The following SLAIN2 variants were observed in gnomAD, a reference collection of about 807,000 sequenced individuals.
SLAIN2 encodes SLAIN family member 2.
A neutral mutation model predicts 56.6 loss-of-function variants in SLAIN2; 31 were observed. The observed-to-expected ratio is 0.55, with a 90% CI of 0.41 to 0.74. The LOEUF (loss-of-function observed/expected upper bound fraction) is 0.74, where lower values mean the gene tolerates loss of function less well. Ranked by LOEUF, SLAIN2 falls within the 30% of genes least tolerant of loss-of-function variation. SLAIN2 has a pLI of 0.00. For synonymous variants in SLAIN2, 317 were observed against 284.9 expected (o/e 1.11, Z -1.13); for missense variants, 777 against 754.2 (o/e 1.03, Z -0.35).
intron 1 of SLAIN2, among the ~76,000 whole-genome samples, chr4:48,349,251 T>G (rs1374317640): frequency 6.6e-6 from 1 of 152,232 alleles, no homozygotes; most frequent in Non-Finnish European, 1.5e-5. Flanking sequence ...AGAAGGATAG[T>G]AGCATATTCA....
chr4:48,356,577 CTT>C (rs1194077167), intron 1 of SLAIN2, among the ~76,000 whole-genome samples: 1 of 152,194 alleles, frequency 6.6e-6, no homozygotes, highest in African/African-American at 2.4e-5. Context: ...GACTCCCTGT[CTT>C]CCTGATGTCT....
chr4:48,383,888 G>C, intron 6 of SLAIN2, 104 bp downstream of exon 6: 1 of 1,257,550 alleles, frequency 8.0e-7, no homozygotes, highest in Non-Finnish European at 1.1e-6. Flanking sequence ...CTGAAAAACC[G>C]TTTTAAACCA....
intron 2 of SLAIN2, among the ~76,000 whole-genome samples, chr4:48,374,429 G>A (rs192713941): frequency 1.5e-3 from 226 of 152,016 alleles, no homozygotes; most frequent in African/African-American, 4.8e-3. Context: ...TACTAGAGAC[G>A]AGGTTTCACG....
chr4:48,392,047 A>G (rs1192077451), intron 6 of SLAIN2, among the ~76,000 whole-genome samples: 2 of 152,116 alleles, frequency 1.3e-5, no homozygotes, highest in Non-Finnish European at 2.9e-5. Context: ...ACTGAACTCT[A>G]TTATTAGAAA....
At position 48,410,775 on chromosome 4, in the gene SLAIN2, G is replaced by A. The variant is rs143415717; in HGVS notation, c.1361-9350G>A. On this transcript the variant is annotated intron_variant, in intron 6 of 7. Transcript: ENST00000264313. ...CCTGCTTATCTGTGGACCCCTGCAT[G>A]CTGTGGATCAGTATCTCAACATCAG... Among the ~76,000 whole-genome samples the A allele has an allele frequency of 1.4e-4, 22 of 152,344 alleles. No homozygotes were observed. The East Asian group carries it at 2.1e-3, about 15-fold the overall frequency.
chr4:48,358,775 C>G (rs570831481), intron 1 of SLAIN2, among the ~76,000 whole-genome samples: 1 of 151,674 alleles, frequency 6.6e-6, no homozygotes, highest in South Asian at 2.1e-4. Context: ...GGCTGGAGTG[C>G]AATGGTGTGA....
intron 6 of SLAIN2, 100 bp downstream of exon 6, chr4:48,383,884 A>C: frequency 7.9e-7 from 1 of 1,258,052 alleles, no homozygotes; most frequent in Non-Finnish European, 1.1e-6. Context: ...TATGCTGAAA[A>C]ACCGTTTTAA....
intron 6 of SLAIN2, among the ~76,000 whole-genome samples, chr4:48,401,770 A>AT (rs1716563078): frequency 6.6e-6 from 1 of 152,156 alleles, no homozygotes; most frequent in African/African-American, 2.4e-5. Flanking sequence ...GCCCATTTAC[A>AT]TTTAAAGTTA....
At position 48,341,679 on chromosome 4, in the gene SLAIN2, T is replaced by G; in HGVS notation, c.-61T>G. ...GGCGGCGACGCCTCTTTCCTCCGTC[T>G]CTTTCCCTGTCGCTGCGAGAGCGAG... On this transcript the variant is annotated 5_prime_UTR_variant, in exon 1 of 8. Coordinates refer to ENST00000264313, the MANE Select transcript of SLAIN2 (RefSeq NM_020846.2). 1 of 1,506,562 alleles carries G rather than the reference T, an allele frequency of 6.6e-7. No individual in the cohort carries two copies. Among genetic ancestry groups the G allele is most frequent in the Non-Finnish European group, 8.9e-7 (1 of 1,126,992 alleles). 93.3% of individuals were successfully genotyped at this position (1,506,562 alleles called of 1,614,324 possible). A position where few individuals can be genotyped will look rare whatever the true frequency, so the allele number is the denominator to read the frequency against.
rs374599788 is a variant in SLAIN2, at chr4:48,365,638, G to A, written c.390-4211G>A. 2.6e-5 allele frequency among the ~76,000 whole-genome samples: 4 copies of A among 151,236 alleles called. No homozygotes were observed. The South Asian group carries it at 8.5e-4, about 32-fold the overall frequency. Reference sequence around the variant, plus strand: ...TGCAGTGGCGGGATCTTGGCTCACTGCAACCTCCACCTCCCGGGTTCAAAC... The same window carrying A: ...TGCAGTGGCGGGATCTTGGCTCACTACAACCTCCACCTCCCGGGTTCAAAC... On this transcript the variant is annotated intron_variant, in intron 1 of 7. Transcript: ENST00000264313.
At chr4:48,419,395 C>T (rs965033611) in intron 6 of SLAIN2, among the ~76,000 whole-genome samples, 5 of 152,102 alleles carry the variant, frequency 3.3e-5, no homozygotes, top group South Asian at 2.1e-4. Flanking sequence ...TGAGTTACCA[C>T]GCCTGATCTT....
chr4:48,418,972 CG>C (rs1717073297), intron 6 of SLAIN2, among the ~76,000 whole-genome samples: 1 of 152,058 alleles, frequency 6.6e-6, no homozygotes, highest in Non-Finnish European at 1.5e-5. Flanking sequence ...TACTGCTGAG[CG>C]GTATTCTGTT....
chr4:48,370,007 T>C lies in SLAIN2; in HGVS notation c.538+10T>C, dbSNP rs768001996. On this transcript the variant is annotated intron_variant, in intron 2 of 7. Transcript: ENST00000264313. ...GATCAAACTATGTCAGGTATGTCTATAATTTTGCTTGTAAATTCATCTCTT... is the reference window on the plus strand; with the variant it reads ...GATCAAACTATGTCAGGTATGTCTACAATTTTGCTTGTAAATTCATCTCTT... The C allele has an allele frequency of 6.2e-7, 1 of 1,609,908 alleles. No homozygotes were observed. Among genetic ancestry groups the C allele is most frequent in the Non-Finnish European group, 8.5e-7 (1 of 1,177,870 alleles).
chr4:48,387,692 A>G (rs6447632), intron 6 of SLAIN2, among the ~76,000 whole-genome samples: 45,133 of 151,872 alleles, frequency 0.3, 6,904 homozygotes, highest in South Asian at 0.48. Context: ...CAAGTTTAAA[A>G]CTTAGTAAAG....
rs1312216703 is a variant in SLAIN2, at chr4:48,393,974, G to A, written c.1360+10190G>A. On this transcript the variant is annotated intron_variant, in intron 6 of 7. Transcript: ENST00000264313. ...AACCCACACCAGCATTACATAGCATGCTCCCCACTTGCATACGTATGTGCA... is the reference window on the plus strand; with the variant it reads ...AACCCACACCAGCATTACATAGCATACTCCCCACTTGCATACGTATGTGCA... Among the ~76,000 whole-genome samples, 8 of 152,266 alleles carry A rather than the reference G, an allele frequency of 5.3e-5. 1 individual carries two copies. The South Asian group carries it at 1.2e-3, about 24-fold the overall frequency.
chr4:48,368,575 A>G (rs1715586658), intron 1 of SLAIN2, among the ~76,000 whole-genome samples: 1 of 152,166 alleles, frequency 6.6e-6, no homozygotes, highest in Admixed American at 6.6e-5. Context: ...GACATAGGAT[A>G]TCAGTATGTA....
chr4:48,387,102 A>G (rs1391867310), intron 6 of SLAIN2, among the ~76,000 whole-genome samples: 4 of 152,194 alleles, frequency 2.6e-5, no homozygotes, highest in African/African-American at 4.8e-5. Context: ...AACTAGCTAT[A>G]TCTATATCCT....
intron 5 of SLAIN2, 116 bp downstream of exon 5, chr4:48,383,043 C>A: frequency 9.2e-7 from 1 of 1,087,466 alleles, no homozygotes; most frequent in Non-Finnish European, 1.3e-6. Context: ...TGGTGCACAT[C>A]TATAGTCCTA....
intron 1 of SLAIN2, among the ~76,000 whole-genome samples, chr4:48,363,303 G>A (rs1460859397): frequency 6.3e-4 from 38 of 60,314 alleles, no homozygotes; most frequent in African/African-American, 1.9e-3. Context: ...GGTGGTGGCC[G>A]GGCAGAGGGG....
Sources: gnomAD v4.1 joint callset for allele counts (sites outside exome capture counted in the v4.1 genomes callset) on GRCh38, gnomAD v4.1.1 for gene constraint, MANE v1.5 for transcripts, NCBI Gene and HGNC (gene_info 2026-07-23, HGNC 2026-07-21) for gene names.